The following KCNH2 variants were observed in gnomAD, a reference collection of about 807,000 sequenced individuals.
KCNH2 encodes the protein potassium voltage-gated channel subfamily H member 2, also known as voltage-gated inwardly rectifying potassium channel KCNH2.
Under a neutral mutation model 95.9 loss-of-function variants are expected in KCNH2, and 35 were observed. The observed-to-expected ratio is 0.37, with a 90% confidence interval of 0.28 to 0.48. The LOEUF is 0.48. Among genes scored for constraint, KCNH2 ranks in the 20% least tolerant of loss-of-function variants. The pLI, the probability that KCNH2 is intolerant of heterozygous loss-of-function variation, is 0.99. For synonymous variants in KCNH2, 786 were observed against 754.7 expected (o/e 1.04, Z -0.68); for missense variants, 1,274 against 1,702.9 (o/e 0.75, Z 4.43).
chr7:150,949,382 G>A, intron 9 of KCNH2: 5 of 883,522 alleles, frequency 5.7e-6, no homozygotes, highest in East Asian at 6.6e-5. Context: ...CCAAAGATCA[G>A]AACACAGTAG....
rs201706355 is a variant in KCNH2, at chr7:150,947,592, G to A, written c.2965+14C>T. 157 of 1,611,582 alleles carry A rather than the reference G, an allele frequency of 9.7e-5. No individual in the cohort carries two copies. The highest frequency in any genetic ancestry group is 8.9e-4 in the African/African-American group (67 of 75,022). On this transcript the variant is annotated intron_variant, in intron 12 of 14. Transcript: ENST00000262186. Reference sequence around the variant, plus strand: ...ACGCCCGGTCCTCCCTCGCCCGCCCGTCGCCCGGGATACCTGACAGGGGGT... The same window carrying A: ...ACGCCCGGTCCTCCCTCGCCCGCCCATCGCCCGGGATACCTGACAGGGGGT...
intron 2 of KCNH2, among the ~76,000 whole-genome samples, chr7:150,971,650 G>A (rs575045697): frequency 6.5e-4 from 98 of 151,934 alleles, no homozygotes; most frequent in African/African-American, 2.3e-3. Context: ...TGAGGCGAGG[G>A]AAGAAGACAG....
At chr7:150,974,679 CT>C (rs1246231242) in intron 2 of KCNH2, 31 bp downstream of exon 2, 1 of 1,541,350 alleles carries the variant, frequency 6.5e-7, no homozygotes, top group Non-Finnish European at 8.8e-7. Context: ...GACCCCGCCC[CT>C]GGTCGTGGCC....
intron 2 of KCNH2, among the ~76,000 whole-genome samples, chr7:150,966,603 T>C (rs773034621): frequency 2.6e-5 from 4 of 151,920 alleles, no homozygotes; most frequent in Admixed American, 1.3e-4. Flanking sequence ...TTAGAACTAA[T>C]TAGATCAGAG....
chr7:150,950,641 C>T (rs763899139), intron 8 of KCNH2, among the ~76,000 whole-genome samples: 3 of 152,182 alleles, frequency 2.0e-5, no homozygotes, highest in Admixed American at 6.5e-5. Flanking sequence ...CCTCCATGTT[C>T]TTATTTGTAA....
chr7:150,952,329 T>A lies in KCNH2; in HGVS notation c.1557+96A>T. 1 of 1,236,168 alleles carries A rather than the reference T, an allele frequency of 8.1e-7. No homozygotes were observed. Among genetic ancestry groups the A allele is most frequent in the South Asian group, 1.3e-5 (1 of 78,148 alleles). 76.6% of individuals were successfully genotyped at this position (1,236,168 alleles called of 1,614,324 possible). A position where few individuals can be genotyped will look rare whatever the true frequency, so the allele number is the denominator to read the frequency against. Reference sequence around the variant, plus strand: ...CTCTCTTTCTCTCTCTCTCTCTTTTTCTCTGTCCTCCTCGCCACCCCCTCC... The same window carrying A: ...CTCTCTTTCTCTCTCTCTCTCTTTTACTCTGTCCTCCTCGCCACCCCCTCC... On this transcript the variant is annotated intron_variant, in intron 6 of 14. Transcript: ENST00000262186. The surrounding 1 kb of genome is among the most constrained non-coding windows in gnomAD (Gnocchi z 7.3).
In KCNH2 at chr7:150,978,261, A is replaced by G. The variant is rs1802028811; in HGVS notation, c.-348T>C. The G allele has an allele frequency of 6.9e-6, 1 of 144,670 alleles. No homozygotes were observed. The highest frequency in any genetic ancestry group is 1.5e-5 in the Non-Finnish European group (1 of 65,400). 9.0% of individuals were successfully genotyped at this position (144,670 alleles called of 1,614,324 possible). On this transcript the variant is annotated 5_prime_UTR_variant, in exon 1 of 15. Transcript: ENST00000262186. ...GGCTCCCGCCTGCCACCGCGCCGACAGCCGCTCCAGCGCCCGCGGCTCGGG... is the reference window on the plus strand; with the variant it reads ...GGCTCCCGCCTGCCACCGCGCCGACGGCCGCTCCAGCGCCCGCGGCTCGGG...
Position 150,957,146 on chromosome 7 carries a change from T to C in KCNH2, c.1128+145A>G, listed in dbSNP as rs1176363349. ...CCCCCATCGCAGCTCTGGAATAGAT[T>C]GCCAACCCCAACCCTCAGGTCTGCC... On this transcript the variant is annotated intron_variant, in intron 5 of 14. Coordinates refer to ENST00000262186, the MANE Select transcript of KCNH2 (RefSeq NM_000238.4). 21 of 720,418 alleles carry C rather than the reference T, an allele frequency of 2.9e-5. No individual in the cohort carries two copies. The South Asian group carries it at 2.9e-4, about 10-fold the overall frequency. The allele number at this position is 720,418 out of a possible 1,614,324, so 44.6% of individuals were successfully genotyped here. A position where few individuals can be genotyped will look rare whatever the true frequency, so the allele number is the denominator to read the frequency against.
chr7:150,959,852 G>T, intron 2 of KCNH2, 116 bp from the exon 3 acceptor site: 1 of 1,151,848 alleles, frequency 8.7e-7, no homozygotes. Context: ...TCCCCGTATG[G>T]CCCTTCCTCT....
At position 150,945,310 on chromosome 7, in the gene KCNH2, GC is replaced by G; in HGVS notation, c.*54del. 1 of 1,542,760 alleles carries G rather than the reference GC, an allele frequency of 6.5e-7. No homozygotes were observed. The highest frequency in any genetic ancestry group is 8.8e-7 in the Non-Finnish European group (1 of 1,140,552). ...CTGAGCAGGGCCTCCAAGGGGAGCG[GC>G]CCAGCAGCGCCTTGATCCCTGGGTG... On this transcript the variant is annotated 3_prime_UTR_variant, in exon 15 of 15. Coordinates refer to ENST00000262186, the MANE Select transcript of KCNH2 (RefSeq NM_000238.4). This position sits in a 1 kb window ranked among gnomAD's most constrained non-coding sequence, Gnocchi z 5.6.
rs199473548 is a variant in KCNH2 at position 150,945,385 on chromosome 7, C to T, written c.3460G>A (p.Gly1154Ser). 1.9e-6 allele frequency: 3 copies of T among 1,590,848 alleles called. No homozygotes were observed. The highest frequency in any genetic ancestry group is 1.3e-5 in the African/African-American group (1 of 74,636). ...ALTSQPLHRH[G>S]SDPGS ...CCCCACTAACTGCCCGGGTCCGAGC[C>T]GTGTCTGTGCAGGGGCTGGGAGGTG... The change falls in exon 15 of 15, where the codon GGC becomes AGC. Residue 1154 changes from glycine to serine, a missense_variant. Around this residue, in one of 7 missense-constraint regions of KCNH2, gnomAD observed 457 missense variants for 416.1 expected, o/e 1.10. Transcript: ENST00000262186. This position sits in a 1 kb window ranked among gnomAD's most constrained non-coding sequence, Gnocchi z 5.6.
chr7:150,974,528 C>T (rs1266157976), intron 2 of KCNH2, among the ~76,000 whole-genome samples, 183 bp downstream of exon 2: 5 of 152,150 alleles, frequency 3.3e-5, no homozygotes, highest in Non-Finnish European at 7.4e-5. Context: ...CCCGGAACCG[C>T]GCCTCCCACA....
intron 2 of KCNH2, among the ~76,000 whole-genome samples, chr7:150,960,161 G>A (rs866288994): frequency 6.6e-6 from 1 of 151,992 alleles, no homozygotes; most frequent in Non-Finnish European, 1.5e-5. Context: ...TTAGGCCTAC[G>A]ATCTCTGGGT....
chr7:150,965,877 C>T (rs1801690130), intron 2 of KCNH2, among the ~76,000 whole-genome samples: 1 of 152,236 alleles, frequency 6.6e-6, no homozygotes, highest in Non-Finnish European at 1.5e-5. Flanking sequence ...AGCTCCCTTC[C>T]AGATCCAGGG....
At position 150,958,426 on chromosome 7, in the gene KCNH2, G is replaced by A. The variant is rs1178361948; in HGVS notation, c.549C>T (p.Gly183=). ...LTARESSVRS[G]GAGGAGAPGA... is the part of the protein sequence containing the mutation. ...CCGGGGCGCCCGCGCCGCCCGCGCCGCCCGACCGCACCGACGACTCCCGGG... is the reference window on the plus strand; with the variant it reads ...CCGGGGCGCCCGCGCCGCCCGCGCCACCCGACCGCACCGACGACTCCCGGG... Residue 183 remains glycine, a synonymous_variant, in exon 4 of 15, where the codon GGC becomes GGT. Coordinates refer to ENST00000262186, the MANE Select transcript of KCNH2 (RefSeq NM_000238.4). The A allele has an allele frequency of 8.3e-6, 12 of 1,449,234 alleles. 1 individual carries two copies. The Admixed American group carries it at 2.2e-4, about 26-fold the overall frequency. The allele number at this position is 1,449,234 out of a possible 1,614,324, so 89.8% of individuals were successfully genotyped here.
In KCNH2 at chr7:150,948,530, G is replaced by A. The variant is rs763031434; in HGVS notation, c.2606C>T (p.Pro869Leu). The stretch of plus-strand genomic sequence containing the variant: ...TAACTCCGTACTGCCGGGGGAGCCC[G>A]GGATCATGTTGGTCTGGAACCAAAA... ...TFNLRDTNMI[P>L]GSPGSTELEG... Residue 869 changes from proline (P) to leucine (L), a missense_variant, in exon 11 of 15, where the codon CCG (proline) becomes CTG (leucine). Pro to Leu is a moderately conservative substitution (Grantham distance 98, BLOSUM62 -3). Transcript: ENST00000262186. 5.6e-6 allele frequency: 9 copies of A among 1,608,732 alleles called. No individual in the cohort carries two copies. The highest frequency in any genetic ancestry group is 2.7e-5 in the African/African-American group (2 of 74,642).
rs1301654815 is a variant in KCNH2 at position 150,947,430 on chromosome 7, G to A, written c.3050C>T (p.Ala1017Val). Residue 1017 changes from alanine (A) to valine (V), a missense_variant, in exon 13 of 15, where the codon GCC (alanine) becomes GTC (valine). Physicochemically the swap from Ala to Val is moderately conservative, Grantham distance 64. Coordinates refer to ENST00000262186, the MANE Select transcript of KCNH2 (RefSeq NM_000238.4). ...RQYQELPRCPAPTPSLLNIPL... is the reference protein window; with the variant it reads ...RQYQELPRCPVPTPSLLNIPL... ...GATGTTGAGGAGGCTGGGGGTGGGG[G>A]CGGGGCATCGAGGGAGCTCCTGGTA... is the stretch of plus-strand genomic sequence containing the variant. 2 of 1,556,422 alleles carry A rather than the reference G, an allele frequency of 1.3e-6. No individual in the cohort carries two copies. The highest frequency in any genetic ancestry group is 4.8e-5 in the East Asian group (2 of 42,068).
chr7:150,972,449 G>A (rs1006632277), intron 2 of KCNH2, among the ~76,000 whole-genome samples: 3 of 152,248 alleles, frequency 2.0e-5, no homozygotes, highest in Non-Finnish European at 2.9e-5. Context: ...AGTGTTTCAA[G>A]GCAGAAGAAG....
chr7:150,949,798 A>C, intron 9 of KCNH2: 1 of 1,220,182 alleles, frequency 8.2e-7, no homozygotes, highest in Non-Finnish European at 1.0e-6. Flanking sequence ...GCCAGGCATG[A>C]GGCTGCAGGG....
Sources: allele counts gnomAD v4.1 joint callset (sites outside exome capture counted in the v4.1 genomes callset), GRCh38; gene constraint gnomAD v4.1.1; regional missense constraint gnomAD v4.1.1; non-coding constraint Gnocchi (gnomAD v3.1); transcripts MANE v1.5; gene names NCBI Gene and HGNC (gene_info 2026-07-23, HGNC 2026-07-21).